The following UBA7 variants were observed in gnomAD, a reference collection of about 807,000 sequenced individuals.
UBA7 encodes the protein ubiquitin-like modifier-activating enzyme 7.
In UBA7, 88 loss-of-function variants were observed where a neutral mutation model predicts 113.0. The observed-to-expected ratio is 0.78, with a 90% CI of 0.66 to 0.93. The LOEUF is 0.93. UBA7 is among the 40% of genes least tolerant of loss of function. The pLI is 0.00. For synonymous variants in UBA7, 459 were observed against 513.0 expected, an observed-to-expected ratio of 0.89 and a Z score of 1.42; for missense variants, 1,092 against 1,266.4, an observed-to-expected ratio of 0.86 and a Z score of 2.09.
chr3:49,811,592 G>A, intron 8 of UBA7, 137 bp from the exon 9 acceptor site: 4 of 1,311,288 alleles, frequency 3.1e-6, no homozygotes, highest in Middle Eastern at 2.3e-4. Flanking sequence ...TGGCCCTGCT[G>A]CCAGCCTGCA....
In UBA7 at chr3:49,810,170, A is replaced by C. The variant is rs758206937; in HGVS notation, c.1647T>G (p.Ala549=). The change falls in exon 14 of 24, where the codon GCT becomes GCG. Residue 549 remains alanine (A), a synonymous_variant. Coordinates refer to ENST00000333486, the MANE Select transcript of UBA7 (RefSeq NM_003335.3). This position sits in a 1 kb window ranked among gnomAD's most constrained non-coding sequence, Gnocchi z 5.6. The part of the protein sequence containing the change: ...LDSFQARRYV[A]ARCTHYLKPL... Reference sequence around the variant, plus strand: ...GCTTCAGATAGTGGGTGCAACGAGCAGCCACATAGCGCCCTGGCAAGGGAG... The same window carrying C: ...GCTTCAGATAGTGGGTGCAACGAGCCGCCACATAGCGCCCTGGCAAGGGAG... The C allele has an allele frequency of 1.9e-6, 3 of 1,613,252 alleles. No individual in the cohort carries two copies. The highest frequency in any genetic ancestry group is 3.3e-5 in the Admixed American group (2 of 60,018).
Position 49,805,967 on chromosome 3 carries a change from G to A in UBA7, c.2839C>T (p.Leu947=), listed in dbSNP as rs1311121483. ...GCATAGAGCAGGGCTGAGCCGTGCA[G>A]CAGGATCCTCACCCTCAACCCGTGC... ...EQHGLRVRIL[L]HGSALLYAAG... is the part of the protein sequence containing the mutation. The change falls in exon 23 of 24, where the codon CTG becomes TTG. Residue 947 remains leucine (L), a synonymous_variant. Coordinates refer to ENST00000333486, the MANE Select transcript of UBA7 (RefSeq NM_003335.3). 1.3e-6 allele frequency: 2 copies of A among 1,566,652 alleles called. No individual in the cohort carries two copies. Among genetic ancestry groups the A allele is most frequent in the Non-Finnish European group, 1.7e-6 (2 of 1,155,532 alleles).
intron 17 of UBA7, 94 bp downstream of exon 17, chr3:49,809,296 G>A: frequency 6.5e-7 from 1 of 1,546,196 alleles, no homozygotes; most frequent in East Asian, 2.3e-5. Flanking sequence ...GCTCTCTCTG[G>A]GCATCTGTGC....
At chr3:49,811,123 G>GCCA in intron 9 of UBA7, 32 bp from the exon 10 acceptor site, 1 of 1,610,488 alleles carries the variant, frequency 6.2e-7, no homozygotes, top group Non-Finnish European at 8.5e-7. Flanking sequence ...GGGCACTCCT[G>GCCA]CCACCTCCTG....
At chr3:49,811,807 C>T (rs907866630) in intron 8 of UBA7, 63 bp downstream of exon 8, 59 of 1,597,670 alleles carry the variant, frequency 3.7e-5, no homozygotes, top group Admixed American at 1.9e-4. Context: ...TCATTGTTGC[C>T]TCTGGCAGGT....
At chr3:49,806,392 C>T (rs574007460) in intron 21 of UBA7, 214 of 587,808 alleles carry the variant, frequency 3.6e-4, no homozygotes, top group African/African-American at 3.6e-3. Context: ...GGGAAACAGA[C>T]GATCCATCAC....
Position 49,807,596 on chromosome 3 carries a change from A to T in UBA7, c.2715+140T>A. ...GGTCCCAGCCTGGCTTCATAGCAGG[A>T]AGAGGGCTGGAGGGAGTCTTCAGGA... On this transcript the variant is annotated intron_variant, in intron 21 of 23. Transcript: ENST00000333486. This position sits in a 1 kb window ranked among gnomAD's most constrained non-coding sequence, Gnocchi z 4.0. 1 of 1,118,370 alleles carries T rather than the reference A, an allele frequency of 8.9e-7. No individual in the cohort carries two copies. 69.3% of individuals were successfully genotyped at this position (1,118,370 alleles called of 1,614,324 possible).
Position 49,810,203 on chromosome 3 carries a change from TCAGAAGTGGGACTG to T in UBA7, c.1634-34_1634-21del. On this transcript the variant is annotated intron_variant, in intron 13 of 23. Transcript: ENST00000333486. This position sits in a 1 kb window ranked among gnomAD's most constrained non-coding sequence, Gnocchi z 5.6. ...AGCGCCCTGGCAAGGGAGCAGTGGG[TCAGAAGTGGGACTG>T]GCACAGCTGTGGGCAAGGGACTGAC... 6.2e-7 allele frequency: 1 copy of T among 1,612,438 alleles called. No individual in the cohort carries two copies. The highest frequency in any genetic ancestry group is 8.5e-7 in the Non-Finnish European group (1 of 1,179,162).
chr3:49,810,731 C>G lies in UBA7; in HGVS notation c.1311+21G>C, dbSNP rs1174713632. 1.9e-6 allele frequency: 3 copies of G among 1,614,042 alleles called. No individual in the cohort carries two copies. In the African/African-American group the frequency reaches 4.0e-5, roughly 22 times the overall value. On this transcript the variant is annotated intron_variant, in intron 11 of 23. Transcript: ENST00000333486. The surrounding 1 kb of genome is among the most constrained non-coding windows in gnomAD (Gnocchi z 5.6). ...GGGCTGGCTCTCCCAAAGGCACCCC[C>G]AGTCTCACCCCACAGCTCACCAGGA...
chr3:49,808,427 A>G lies in UBA7; in HGVS notation c.2389T>C (p.Trp797Arg). ...QKELNKALEVWSVGPPLKPLM... is the reference protein window; with the variant it reads ...QKELNKALEVRSVGPPLKPLM... ...GGCTTCAGGGGAGGGCCCACACTCCAGACTTCCAGGGCTTTGTTCAGTTCC... is the reference window on the plus strand; with the variant it reads ...GGCTTCAGGGGAGGGCCCACACTCCGGACTTCCAGGGCTTTGTTCAGTTCC... The change falls in exon 19 of 24, where the codon TGG becomes CGG. Residue 797 changes from tryptophan (W) to arginine (R), a missense_variant. This residue lies in a region of UBA7 where 500 missense variants were observed against 529.3 expected (regional missense o/e 0.94). Transcript: ENST00000333486. 1 of 1,614,194 alleles carries G rather than the reference A, an allele frequency of 6.2e-7. No homozygotes were observed. The highest frequency in any genetic ancestry group is 8.5e-7 in the Non-Finnish European group (1 of 1,180,018).
At chr3:49,812,822 A>G (rs2081571174) in intron 4 of UBA7, 84 bp from the exon 5 acceptor site, 1 of 1,477,364 alleles carries the variant, frequency 6.8e-7, no homozygotes, top group Non-Finnish European at 9.3e-7. Flanking sequence ...CCAGAGGGCC[A>G]GAATTGGGAA....
In UBA7 at chr3:49,807,649, A is replaced by AGCCG; in HGVS notation, c.2715+83_2715+86dup. On this transcript the variant is annotated intron_variant, in intron 21 of 23. Transcript: ENST00000333486. The surrounding 1 kb of genome is among the most constrained non-coding windows in gnomAD (Gnocchi z 4.0). ...TCTGCACAGTCTGAGTTTCAGTGAG[A>AGCCG]GCCGGCAGCTAGATTGGGGCCTGTA... is the stretch of plus-strand genomic sequence containing the variant. 1 of 1,467,350 alleles carries AGCCG rather than the reference A, an allele frequency of 6.8e-7. No homozygotes were observed. Among genetic ancestry groups the AGCCG allele is most frequent in the Non-Finnish European group, 9.1e-7 (1 of 1,095,132 alleles). The allele number at this position is 1,467,350 out of a possible 1,614,324, so 90.9% of individuals were successfully genotyped here. A position where few individuals can be genotyped will look rare whatever the true frequency, so the allele number is the denominator to read the frequency against.
At chr3:49,811,489 A>G (rs2108301436) in intron 8 of UBA7, 34 bp from the exon 9 acceptor site, 3 of 1,552,878 alleles carry the variant, frequency 1.9e-6, no homozygotes, top group South Asian at 1.2e-5. Context: ...TAGTAGCCCC[A>G]GCCTGAGCTC....
rs1451222708 is a variant in UBA7 at position 49,813,326 on chromosome 3, A to G, written c.283T>C (p.Leu95=). ...RSRAEASQEL[L]AQLNRAVQVV... is the part of the protein sequence containing the mutation. ...TGGACAGCTCTGTTGAGCTGAGCCAAGAGCTCTTGAGAGGCCTCGGCTCTG... is the reference window on the plus strand; with the variant it reads ...TGGACAGCTCTGTTGAGCTGAGCCAGGAGCTCTTGAGAGGCCTCGGCTCTG... The change falls in exon 3 of 24, where the codon TTG becomes CTG. Residue 95 remains leucine, a synonymous_variant. Transcript: ENST00000333486. 1 of 1,614,210 alleles carries G rather than the reference A, an allele frequency of 6.2e-7. No homozygotes were observed. The highest frequency in any genetic ancestry group is 8.5e-7 in the Non-Finnish European group (1 of 1,180,040).
At chr3:49,813,033 T>C (rs2081574084) in intron 4 of UBA7, 29 bp downstream of exon 4, 1 of 1,605,032 alleles carries the variant, frequency 6.2e-7, no homozygotes, top group Non-Finnish European at 8.5e-7. Flanking sequence ...GGCTGTAATA[T>C]GGTAGGCTGG....
In UBA7 at chr3:49,807,701, C is replaced by A; in HGVS notation, c.2715+35G>T. On this transcript the variant is annotated intron_variant, in intron 21 of 23. Coordinates refer to ENST00000333486, the MANE Select transcript of UBA7 (RefSeq NM_003335.3). This position sits in a 1 kb window ranked among gnomAD's most constrained non-coding sequence, Gnocchi z 4.0. ...GGGCAGGTGCAGGGGAAACCCAGGC[C>A]TAGTAGGGCTAAGGGTGGGGTATCA... The A allele has an allele frequency of 6.4e-7, 1 of 1,568,654 alleles. No homozygotes were observed. Among genetic ancestry groups the A allele is most frequent in the South Asian group, 1.2e-5 (1 of 82,846 alleles).
At chr3:49,811,610 AC>A in intron 8 of UBA7, 155 bp from the exon 9 acceptor site, 2 of 1,192,416 alleles carry the variant, frequency 1.7e-6, no homozygotes, top group Non-Finnish European at 2.3e-6. Context: ...GCACAGCACC[AC>A]CAGAGGATGC....
At chr3:49,805,558 G>T in intron 23 of UBA7, 121 bp from the exon 24 acceptor site, 1 of 901,306 alleles carries the variant, frequency 1.1e-6, no homozygotes, top group Non-Finnish European at 1.8e-6. Flanking sequence ...AGCAGGAGCT[G>T]CTCAAGACAG....
Position 49,809,382 on chromosome 3 carries a change from C to T in UBA7, c.2163+8G>A, listed in dbSNP as rs374827937. The T allele has an allele frequency of 6.5e-4, 1,045 of 1,613,640 alleles. 1 individual carries two copies. Among genetic ancestry groups the T allele is most frequent in the Non-Finnish European group, 8.3e-4 (978 of 1,179,774 alleles). On this transcript the variant is annotated splice_region_variant and intron_variant, in intron 17 of 23. Coordinates refer to ENST00000333486, the MANE Select transcript of UBA7 (RefSeq NM_003335.3). ...CTATCTTGGAGCTCCCTACAGAATC[C>T]CACTCACTTGGTTGGTGTCAAACTC...
Sources: gnomAD v4.1 joint callset for allele counts on GRCh38, gnomAD v4.1.1 for gene constraint, gnomAD v4.1.1 regional missense constraint, Gnocchi (gnomAD v3.1) non-coding constraint, MANE v1.5 for transcripts, NCBI Gene and HGNC (gene_info 2026-07-23, HGNC 2026-07-21) for gene names.